Variants in CCDC117 observed in about 807,000 individuals in gnomAD.
The protein encoded by CCDC117 is coiled-coil domain containing 117.
Under a neutral mutation model 23.5 loss-of-function variants are expected in CCDC117, and 1 was observed. The ratio of observed to expected loss-of-function variants is 0.04; its 90% CI spans 0.02 to 0.20. The LOEUF is 0.20. CCDC117 is among the 10% of genes least tolerant of loss of function. CCDC117 has a pLI of 1.00. For synonymous variants in CCDC117, 132 were observed against 124.8 expected, an observed-to-expected ratio of 1.06 and a Z score of -0.39; for missense variants, 383 against 348.2, an observed-to-expected ratio of 1.10 and a Z score of -0.80.
In CCDC117 at chr22:28,788,255, ATTGT is replaced by A. The variant is rs1199101815; in HGVS notation, c.*1933_*1936del. 1 of 152,602 alleles carries A rather than the reference ATTGT, an allele frequency of 6.6e-6. No individual in the cohort carries two copies. The highest frequency in any genetic ancestry group is 1.5e-5 in the Non-Finnish European group (1 of 68,030). 9.5% of individuals were successfully genotyped at this position (152,602 alleles called of 1,614,324 possible). On this transcript the variant is annotated 3_prime_UTR_variant, in exon 5 of 5. Transcript: ENST00000249064. ...TTTGATAAACTTCTGCCTTGTAGTC[ATTGT>A]TTGATGGGACCAACTTGTAAAGTAT...
chr22:28,780,589 T>C lies in CCDC117; in HGVS notation c.240-359T>C, dbSNP rs56929987. Among the ~76,000 whole-genome samples the C allele has an allele frequency of 3.2e-3, 486 of 152,282 alleles. 6 individuals carry two copies. Among genetic ancestry groups the C allele is most frequent in the African/African-American group, 0.011 (461 of 41,552 alleles). ...ATCTTCCCACCTCAGCCATTCCAAG[T>C]GCTGGTATTACAGGTGTGAGCCACC... On this transcript the variant is annotated intron_variant, in intron 2 of 4. Coordinates refer to ENST00000249064, the MANE Select transcript of CCDC117 (RefSeq NM_173510.4).
chr22:28,774,213 G>A (rs892262834), intron 2 of CCDC117, among the ~76,000 whole-genome samples: 10 of 149,742 alleles, frequency 6.7e-5, no homozygotes, highest in Non-Finnish European at 1.2e-4. Flanking sequence ...GACTACAGGC[G>A]CCCGCCACCA....
At chr22:28,776,086 CAT>C (rs2031154496) in intron 2 of CCDC117, among the ~76,000 whole-genome samples, 1 of 152,062 alleles carries the variant, frequency 6.6e-6, no homozygotes, top group Non-Finnish European at 1.5e-5. Context: ...AAATTGGGAC[CAT>C]TAGGATCATT....
At chr22:28,776,754 T>C (rs952361252) in intron 2 of CCDC117, among the ~76,000 whole-genome samples, 1 of 152,016 alleles carries the variant, frequency 6.6e-6, no homozygotes, top group Non-Finnish European at 1.5e-5. Flanking sequence ...TTGGCTAATT[T>C]TGCATTTTTA....
chr22:28,783,736 T>C (rs960332010), intron 4 of CCDC117, 91 bp downstream of exon 4: 2 of 1,212,568 alleles, frequency 1.6e-6, no homozygotes, highest in Non-Finnish European at 2.4e-6. Flanking sequence ...CATTAGCTCT[T>C]TTTATCTCCT....
At chr22:28,784,026 A>C (rs543122642) in intron 4 of CCDC117, among the ~76,000 whole-genome samples, 202 of 152,322 alleles carry the variant, frequency 1.3e-3, no homozygotes, top group Middle Eastern at 3.4e-3. Context: ...CCTAGGAAAA[A>C]AAATAAAGTG....
chr22:28,775,500 A>G (rs2031136860), intron 2 of CCDC117, among the ~76,000 whole-genome samples: 1 of 152,158 alleles, frequency 6.6e-6, no homozygotes, highest in African/African-American at 2.4e-5. Flanking sequence ...GTTTTTGCCA[A>G]TTTATATGCC....
chr22:28,786,735 T>C lies in CCDC117; in HGVS notation c.*409T>C, dbSNP rs115257029. 1,942 of 174,554 alleles carry C rather than the reference T, an allele frequency of 0.011. 45 individuals are homozygous for C. Among genetic ancestry groups the C allele is most frequent in the African/African-American group, 0.044 (1,828 of 41,912 alleles). 10.8% of individuals were successfully genotyped at this position (174,554 alleles called of 1,614,324 possible). A position where few individuals can be genotyped will look rare whatever the true frequency, so the allele number is the denominator to read the frequency against. On this transcript the variant is annotated 3_prime_UTR_variant, in exon 5 of 5. Coordinates refer to ENST00000249064, the MANE Select transcript of CCDC117 (RefSeq NM_173510.4). ...TGTATCCTGACAGTTAAGTCACAGC[T>C]TAATGTGTAGATATGAGCTGTTTAC...
chr22:28,782,276 T>TTTTTTTTTGA (rs2031368536), intron 3 of CCDC117, among the ~76,000 whole-genome samples: 1 of 127,104 alleles, frequency 7.9e-6, no homozygotes, highest in African/African-American at 3.1e-5. Flanking sequence ...TTTTTTTTTT[T>TTTTTTTTTGA]GAAACAGTGT....
intron 2 of CCDC117, among the ~76,000 whole-genome samples, chr22:28,777,635 G>A (rs761114092): frequency 3.3e-5 from 5 of 151,154 alleles, no homozygotes; most frequent in African/African-American, 9.7e-5. Context: ...TCAGCCTCGC[G>A]AGTTGCTGGG....
intron 3 of CCDC117, 65 bp downstream of exon 3, chr22:28,781,237 C>A: frequency 2.2e-6 from 2 of 894,812 alleles, no homozygotes; most frequent in Non-Finnish European, 3.6e-6. Flanking sequence ...CTCATATAAG[C>A]TAGTTCTGTT....
At position 28,787,377 on chromosome 22, in the gene CCDC117, G is replaced by A. The variant is rs530396348; in HGVS notation, c.*1051G>A. On this transcript the variant is annotated 3_prime_UTR_variant, in exon 5 of 5. Transcript: ENST00000249064. ...TGGTCTCGAACTCCTGACCTCAGGT[G>A]ATCTGCCCACCCCAGCCTCCCAAAA... 2 of 152,130 alleles carry A rather than the reference G, an allele frequency of 1.3e-5. No homozygotes were observed. Among genetic ancestry groups the A allele is most frequent in the Non-Finnish European group, 2.9e-5 (2 of 68,036 alleles). 9.4% of individuals were successfully genotyped at this position (152,130 alleles called of 1,614,324 possible).
chr22:28,772,767 T>G lies in CCDC117; in HGVS notation c.-83T>G, dbSNP rs11556025. On this transcript the variant is annotated 5_prime_UTR_variant, in exon 1 of 5. Transcript: ENST00000249064. ...AGCGGGATCCGAGGCTGGCGGGTTT[T>G]GGCAGTAGCTGTGGCTGCGGCTGCC... 2.7e-6 allele frequency: 3 copies of G among 1,105,988 alleles called. No individual in the cohort carries two copies. The highest frequency in any genetic ancestry group is 3.4e-6 in the Non-Finnish European group (3 of 880,066). The allele number at this position is 1,105,988 out of a possible 1,614,324, so 68.5% of individuals were successfully genotyped here.
Position 28,786,246 on chromosome 22 carries a change from T to C in CCDC117, c.760T>C (p.Ser254Pro), listed in dbSNP as rs769875611. The C allele has an allele frequency of 5.0e-6, 8 of 1,614,032 alleles. No individual in the cohort carries two copies. The highest frequency in any genetic ancestry group is 5.9e-6 in the Non-Finnish European group (7 of 1,180,042). The part of the protein sequence containing the change: ...TAFPQRTELF[S>P]EPRPTGMSLY... ...CTTCCCTCAGAGAACTGAACTGTTT[T>C]CGGAACCTCGGCCAACAGGGATGTC... is the stretch of plus-strand genomic sequence containing the variant. Residue 254 changes from serine (S) to proline (P), a missense_variant, in exon 5 of 5, where the codon TCG becomes CCG. Physicochemically the swap from Ser to Pro is moderately conservative, Grantham distance 74 (BLOSUM62 -1). Coordinates refer to ENST00000249064, the MANE Select transcript of CCDC117 (RefSeq NM_173510.4).
At chr22:28,777,033 T>TC (rs2031181917) in intron 2 of CCDC117, among the ~76,000 whole-genome samples, 1 of 141,278 alleles carries the variant, frequency 7.1e-6, no homozygotes, top group Non-Finnish European at 1.5e-5. Flanking sequence ...ATACTGTAGC[T>TC]GTTTTTTTTT....
At chr22:28,781,283 G>GAAAGACT in intron 3 of CCDC117, 111 bp downstream of exon 3, 1 of 538,020 alleles carries the variant, frequency 1.9e-6, no homozygotes, top group Non-Finnish European at 3.5e-6. Context: ...TAGCCTCTCA[G>GAAAGACT]AAAGACTAAG....
intron 2 of CCDC117, among the ~76,000 whole-genome samples, chr22:28,775,019 T>G (rs2031122046): frequency 6.6e-6 from 1 of 152,130 alleles, no homozygotes; most frequent in African/African-American, 2.4e-5. Context: ...ATCCCAGCAC[T>G]TTGGGAGGCT....
chr22:28,782,937 C>CG (rs2031395743), intron 3 of CCDC117, among the ~76,000 whole-genome samples: 1 of 152,088 alleles, frequency 6.6e-6, no homozygotes, highest in African/African-American at 2.4e-5. Context: ...CTTACTGCCT[C>CG]TGAGTATTAA....
intron 4 of CCDC117, 51 bp downstream of exon 4, chr22:28,783,696 C>G (rs766255694): frequency 4.5e-6 from 7 of 1,558,244 alleles, no homozygotes; most frequent in Non-Finnish European, 6.2e-6. Context: ...GAGGGAAGAC[C>G]CAATGTCTAG....
Sources: allele counts gnomAD v4.1 joint callset (sites outside exome capture counted in the v4.1 genomes callset), GRCh38; gene constraint gnomAD v4.1.1; transcripts MANE v1.5; gene names NCBI Gene and HGNC (gene_info 2026-07-23, HGNC 2026-07-21).